EBF1: variants seen among roughly 807,000 people sequenced by gnomAD.
The protein encoded by EBF1 is transcription factor COE1.
A neutral mutation model predicts 68.4 loss-of-function variants in EBF1; 10 were observed. The ratio of observed to expected loss-of-function variants is 0.15; its 90% CI spans 0.09 to 0.25. EBF1 has a LOEUF of 0.25. EBF1 is among the 10% of genes least tolerant of loss of function. The pLI is 1.00. For synonymous variants in EBF1, 298 were observed against 299.8 expected (o/e 0.99, Z 0.06); for missense variants, 509 against 794.4 (o/e 0.64, Z 4.32).
chr5:158,977,238 G>T (rs1756955805), intron 6 of EBF1, among the ~76,000 whole-genome samples: 1 of 152,014 alleles, frequency 6.6e-6, no homozygotes, highest in Non-Finnish European at 1.5e-5. Flanking sequence ...AGACAAGCAA[G>T]CAAAACTATT....
chr5:159,094,931 A>G (rs1243394736), intron 4 of EBF1, among the ~76,000 whole-genome samples: 1 of 152,138 alleles, frequency 6.6e-6, no homozygotes, highest in Non-Finnish European at 1.5e-5. Flanking sequence ...ACCATAACTC[A>G]ACCTTAATGT....
intron 7 of EBF1, among the ~76,000 whole-genome samples, chr5:158,834,557 T>A (rs533176009): frequency 6.6e-6 from 1 of 152,062 alleles, no homozygotes; most frequent in East Asian, 1.9e-4. Context: ...TATTCCATAC[T>A]GCCTTAAAGT....
chr5:158,825,658 T>C (rs1417264043), intron 7 of EBF1, among the ~76,000 whole-genome samples: 1 of 152,304 alleles, frequency 6.6e-6, no homozygotes, highest in Admixed American at 6.5e-5. Context: ...CCATATGTTT[T>C]TCTTTTCTTG....
At chr5:159,097,682 T>A (rs2128012587) in intron 1 of EBF1, 1 of 233,700 alleles carries the variant, frequency 4.3e-6, no homozygotes, top group East Asian at 6.0e-5. Flanking sequence ...AAAAAGCATG[T>A]GGAGAAGGGT....
intron 2 of EBF1, chr5:159,096,718 G>A (rs1782683515): frequency 1.6e-6 from 1 of 611,844 alleles, no homozygotes; most frequent in East Asian, 2.8e-5. Context: ...GGTTCATTCC[G>A]GGTGCCCATG....
At chr5:158,838,314 TG>T (rs1276635938) in intron 7 of EBF1, among the ~76,000 whole-genome samples, 2 of 151,620 alleles carry the variant, frequency 1.3e-5, no homozygotes, top group African/African-American at 2.4e-5. Flanking sequence ...GGCATGGTGG[TG>T]GGTGCCTGTA....
intron 9 of EBF1, among the ~76,000 whole-genome samples, chr5:158,786,266 T>C (rs1212694197): frequency 1.3e-5 from 2 of 152,054 alleles, no homozygotes; most frequent in African/African-American, 2.4e-5. Flanking sequence ...TCTAACCAGG[T>C]CCCGAAATCA....
intron 6 of EBF1, among the ~76,000 whole-genome samples, chr5:159,015,916 G>T (rs1765536754): frequency 6.6e-6 from 1 of 152,176 alleles, no homozygotes; most frequent in South Asian, 2.1e-4. Flanking sequence ...CACACATGTG[G>T]ATTTGTGTTT....
Position 158,699,058 on chromosome 5 carries a change from C to T in EBF1, c.*53G>A. 11 of 1,531,970 alleles carry T rather than the reference C, an allele frequency of 7.2e-6. No individual in the cohort carries two copies. The highest frequency in any genetic ancestry group is 8.8e-6 in the Non-Finnish European group (10 of 1,133,750). 94.9% of individuals were successfully genotyped at this position (1,531,970 alleles called of 1,614,324 possible). ...ACTCTGGGACTTGTATCAGATTACT[C>T]TCTGTAGCAGAATCCAACCTCTTCA... On this transcript the variant is annotated 3_prime_UTR_variant, in exon 16 of 16. Coordinates refer to ENST00000313708, the MANE Select transcript of EBF1 (RefSeq NM_024007.5).
intron 6 of EBF1, among the ~76,000 whole-genome samples, chr5:159,040,172 A>C (rs1393677578): frequency 6.6e-6 from 1 of 152,108 alleles, no homozygotes; most frequent in African/African-American, 2.4e-5. Context: ...TGGCCAGTAA[A>C]CCTAAGGAAA....
At chr5:158,799,432 T>A (rs557449753) in intron 8 of EBF1, among the ~76,000 whole-genome samples, 825 of 33,436 alleles carry the variant, frequency 0.025, 13 homozygotes, top group African/African-American at 0.062. Flanking sequence ...AATAAATAAA[T>A]TAATTAATTA....
intron 8 of EBF1, among the ~76,000 whole-genome samples, chr5:158,821,216 C>T (rs996097448): frequency 1.3e-5 from 2 of 152,118 alleles, no homozygotes; most frequent in African/African-American, 2.4e-5. Context: ...ATCCCAAAAG[C>T]TAAAGCGATT....
intron 6 of EBF1, among the ~76,000 whole-genome samples, chr5:158,959,982 A>T (rs1180465741): frequency 1.3e-5 from 2 of 152,182 alleles, no homozygotes; most frequent in African/African-American, 2.4e-5. Context: ...AAAATAGCAG[A>T]ATTGACACCT....
At chr5:158,848,663 T>A (rs1045878032) in intron 6 of EBF1, among the ~76,000 whole-genome samples, 3 of 152,234 alleles carry the variant, frequency 2.0e-5, no homozygotes, top group Non-Finnish European at 2.9e-5. Context: ...TCACTACTTT[T>A]GTGTGTGTTT....
intron 6 of EBF1, among the ~76,000 whole-genome samples, chr5:159,064,970 G>C (rs912062441): frequency 1.4e-5 from 2 of 140,766 alleles, no homozygotes. Flanking sequence ...TATGTGTGTG[G>C]TGTGTGTAGC....
At chr5:158,991,704 G>A (rs2127611043) in intron 6 of EBF1, among the ~76,000 whole-genome samples, 1 of 152,170 alleles carries the variant, frequency 6.6e-6, no homozygotes, top group East Asian at 1.9e-4. Flanking sequence ...GGTGATTACG[G>A]CAAGTCATTA....
chr5:158,818,895 C>A (rs1582182222), intron 8 of EBF1, among the ~76,000 whole-genome samples: 3 of 144,912 alleles, frequency 2.1e-5, no homozygotes, highest in Admixed American at 6.8e-5. Flanking sequence ...TTTTTTTTTC[C>A]AAATAAATAT....
rs530668701 is a variant in EBF1, at chr5:158,770,764, CA to C, written c.1036+6648del. Among the ~76,000 whole-genome samples, 10 of 152,246 alleles carry C rather than the reference CA, an allele frequency of 6.6e-5. No individual in the cohort carries two copies. The East Asian group carries it at 1.9e-3, about 30-fold the overall frequency. On this transcript the variant is annotated intron_variant, in intron 10 of 15. Coordinates refer to ENST00000313708, the MANE Select transcript of EBF1 (RefSeq NM_024007.5). Reference sequence around the variant, plus strand: ...TAGCTCTTTGTCATCCTTCAAACTTCAGCTTGTGCAATTTTTCCTGTAGAGA... The same window carrying C: ...TAGCTCTTTGTCATCCTTCAAACTTCGCTTGTGCAATTTTTCCTGTAGAGA...
intron 4 of EBF1, among the ~76,000 whole-genome samples, chr5:159,092,486 A>G (rs1781829732): frequency 6.6e-6 from 1 of 152,182 alleles, no homozygotes; most frequent in Non-Finnish European, 1.5e-5. Flanking sequence ...ATTACCCAAA[A>G]TAGTCTAATG....
Sources: allele counts gnomAD v4.1 joint callset (sites outside exome capture counted in the v4.1 genomes callset), GRCh38; gene constraint gnomAD v4.1.1; transcripts MANE v1.5; gene names NCBI Gene and HGNC (gene_info 2026-07-23, HGNC 2026-07-21).